Variants in PDE10A observed in about 807,000 individuals in gnomAD.
PDE10A encodes phosphodiesterase 10A, also known as cAMP and cAMP-inhibited cGMP 3',5'-cyclic phosphodiesterase 10A.
PDE10A carries 39 observed loss-of-function variants against 97.7 expected under a neutral mutation model. The ratio of observed to expected loss-of-function variants is 0.40; its 90% confidence interval spans 0.31 to 0.52. PDE10A has a LOEUF of 0.52. PDE10A is among the 20% of genes least tolerant of loss of function. PDE10A has a pLI of 0.56. For synonymous variants in PDE10A, 371 were observed against 376.8 expected, an observed-to-expected ratio of 0.98 and a Z score of 0.18; for missense variants, 731 against 1,047.8, an observed-to-expected ratio of 0.70 and a Z score of 4.17.
intron 1 of PDE10A, among the ~76,000 whole-genome samples, chr6:165,656,254 TCTCTCACACACACACACACACA>T (rs1158316477): frequency 9.9e-6 from 1 of 100,996 alleles, no homozygotes; most frequent in African/African-American, 3.7e-5. Flanking sequence ...TCTCTCTCTC[TCTCTCACACACACACACACACA>T]CACACACACA....
intron 1 of PDE10A, among the ~76,000 whole-genome samples, chr6:165,805,114 CGCATGGAGGGGA>C (rs1282803187): frequency 1.5e-5 from 2 of 133,492 alleles, no homozygotes; most frequent in African/African-American, 2.9e-5. Flanking sequence ...AGCAGAGGGG[CGCATGGAGGGGA>C]GCATGGAGGG....
chr6:165,410,956 C>CT (rs1554257621), intron 13 of PDE10A, among the ~76,000 whole-genome samples: 2 of 30,262 alleles, frequency 6.6e-5, no homozygotes, highest in Non-Finnish European at 1.2e-4. Context: ...GGCGTGGTGG[C>CT]GGTGCCTGTA....
At chr6:165,953,802 A>G (rs1784046452) in intron 1 of PDE10A, among the ~76,000 whole-genome samples, 4 of 152,208 alleles carry the variant, frequency 2.6e-5, no homozygotes, top group Non-Finnish European at 5.9e-5. Flanking sequence ...CTTGTGTTGT[A>G]CAGTTCTACA....
chr6:165,537,687 T>C lies in PDE10A; in HGVS notation c.994+5753A>G, dbSNP rs541904557. Among the ~76,000 whole-genome samples, 4 of 152,088 alleles carry C rather than the reference T, an allele frequency of 2.6e-5. No homozygotes were observed. In the East Asian group the frequency reaches 7.7e-4, roughly 29 times the overall value. Reference sequence around the variant, plus strand: ...TATAGATGAATTCGTATCAACTTTATCTCCTTTCTAGTCACCAGATGGTGG... The same window carrying C: ...TATAGATGAATTCGTATCAACTTTACCTCCTTTCTAGTCACCAGATGGTGG... On this transcript the variant is annotated intron_variant, in intron 2 of 21. Coordinates refer to ENST00000539869, the MANE Select transcript of PDE10A (RefSeq NM_001385079.1).
intron 1 of PDE10A, among the ~76,000 whole-genome samples, chr6:165,569,977 G>C (rs1784972242): frequency 6.6e-6 from 1 of 152,122 alleles, no homozygotes; most frequent in Non-Finnish European, 1.5e-5. Flanking sequence ...AGAAAAGTTA[G>C]GACACAAACT....
At chr6:165,572,175 C>T (rs565342502) in intron 1 of PDE10A, among the ~76,000 whole-genome samples, 1 of 152,292 alleles carries the variant, frequency 6.6e-6, no homozygotes, top group Admixed American at 6.5e-5. Context: ...AAGTTTAGTG[C>T]TTGAAGAAAT....
At chr6:165,873,556 T>A (rs2128479009) in intron 1 of PDE10A, among the ~76,000 whole-genome samples, 1 of 151,478 alleles carries the variant, frequency 6.6e-6, no homozygotes, top group Admixed American at 6.6e-5. Flanking sequence ...TGATCTCATT[T>A]TAAAAACTGA....
chr6:165,943,342 AAAAGAGAAAGAAAG>A (rs1393173598), intron 1 of PDE10A, among the ~76,000 whole-genome samples: 3 of 109,886 alleles, frequency 2.7e-5, no homozygotes, highest in South Asian at 2.8e-4. Flanking sequence ...AGAAAGAAAG[AAAAGAGAAAGAAAG>A]AAAGAGAAAG....
At chr6:165,855,862 G>A (rs1022646465) in intron 1 of PDE10A, among the ~76,000 whole-genome samples, 1 of 152,076 alleles carries the variant, frequency 6.6e-6, no homozygotes, top group South Asian at 2.1e-4. Flanking sequence ...AGGAAACGTC[G>A]GAAGTGTCAG....
intron 1 of PDE10A, among the ~76,000 whole-genome samples, chr6:165,714,612 G>A (rs1791981028): frequency 6.6e-6 from 1 of 152,218 alleles, no homozygotes; most frequent in African/African-American, 2.4e-5. Flanking sequence ...CCCATTCGCA[G>A]CCCATCCACA....
intron 1 of PDE10A, among the ~76,000 whole-genome samples, chr6:165,738,428 T>C (rs573166374): frequency 1.9e-4 from 28 of 150,720 alleles, no homozygotes; most frequent in Non-Finnish European, 3.7e-4. Context: ...GACATTTGGG[T>C]TGGTTCCAAG....
At chr6:165,576,499 A>C in intron 1 of PDE10A, 1 of 778,450 alleles carries the variant, frequency 1.3e-6, no homozygotes. Flanking sequence ...CTTCAACTGT[A>C]ACATCTCTGT....
intron 1 of PDE10A, among the ~76,000 whole-genome samples, chr6:165,871,608 AC>A (rs1781206033): frequency 6.6e-6 from 1 of 152,208 alleles, no homozygotes; most frequent in Admixed American, 6.5e-5. Context: ...AATTTGAGGT[AC>A]CCTAGTGCTC....
intron 1 of PDE10A, among the ~76,000 whole-genome samples, chr6:165,568,442 A>G (rs1784899748): frequency 6.6e-6 from 1 of 152,164 alleles, no homozygotes; most frequent in African/African-American, 2.4e-5. Context: ...CATAATTCTA[A>G]ATTGTGCACT....
chr6:165,560,512 G>A (rs577345315), intron 1 of PDE10A, among the ~76,000 whole-genome samples: 1 of 152,354 alleles, frequency 6.6e-6, no homozygotes, highest in African/African-American at 2.4e-5. Flanking sequence ...CTGTGAGCCA[G>A]TAAACGGGTG....
At chr6:165,460,293 T>C (rs752744797) in intron 3 of PDE10A, among the ~76,000 whole-genome samples, 3 of 152,210 alleles carry the variant, frequency 2.0e-5, no homozygotes, top group Non-Finnish European at 4.4e-5. Flanking sequence ...ACAGGAGTCA[T>C]TGATTCAGAT....
chr6:165,934,152 C>CTTTTTTTTTT (rs778137427), intron 1 of PDE10A, among the ~76,000 whole-genome samples: 1 of 109,168 alleles, frequency 9.2e-6, no homozygotes, highest in African/African-American at 3.9e-5. Flanking sequence ...CCTGGCTGAT[C>CTTTTTTTTTT]TTTTTTTTTT....
chr6:165,827,175 G>A (rs989690976), intron 1 of PDE10A, among the ~76,000 whole-genome samples: 4 of 152,290 alleles, frequency 2.6e-5, no homozygotes, highest in Admixed American at 1.3e-4. Context: ...CAGGTGGAGC[G>A]CGGAGGCCAA....
chr6:165,896,034 G>T (rs1381733771), intron 1 of PDE10A, among the ~76,000 whole-genome samples: 3 of 152,306 alleles, frequency 2.0e-5, no homozygotes, highest in East Asian at 3.9e-4. Context: ...TGATATGGTA[G>T]AGACCCAGCT....
Sources: gnomAD v4.1 joint callset for allele counts (sites outside exome capture counted in the v4.1 genomes callset) on GRCh38, gnomAD v4.1.1 for gene constraint, MANE v1.5 for transcripts, NCBI Gene and HGNC (gene_info 2026-07-23, HGNC 2026-07-21) for gene names.